Variants in SLC24A2 observed in about 807,000 individuals in gnomAD.
The protein encoded by SLC24A2 is solute carrier family 24 member 2.
SLC24A2 carries 36 observed loss-of-function variants against 62.0 expected under a neutral mutation model. That is an observed-to-expected ratio of 0.58 (90% CI 0.44 to 0.77). The LOEUF is 0.77. Among genes scored for constraint, SLC24A2 ranks in the 30% least tolerant of loss-of-function variants. SLC24A2 has a pLI of 0.00. For missense variants in SLC24A2, 846 were observed against 817.9 expected (o/e 1.03, Z -0.42); for synonymous variants, 358 against 294.0 (o/e 1.22, Z -2.23).
the SLC24A2 span, among the ~76,000 whole-genome samples, chr9:19,879,152 C>T: frequency 6.6e-6 from 1 of 152,100 alleles, no homozygotes; most frequent in Non-Finnish European, 1.5e-5. Context: ...ATCTTTTACA[C>T]AAGCAGTAGT....
the SLC24A2 span, among the ~76,000 whole-genome samples, chr9:20,225,121 T>C: frequency 2.0e-5 from 3 of 152,094 alleles, no homozygotes; most frequent in African/African-American, 7.2e-5. Flanking sequence ...AGAAAGTCTG[T>C]CTCAGGCTTT....
the SLC24A2 span, among the ~76,000 whole-genome samples, chr9:20,008,407 C>G: frequency 6.6e-6 from 1 of 152,156 alleles, no homozygotes; most frequent in Non-Finnish European, 1.5e-5. Flanking sequence ...TGGATATTCT[C>G]TATTGGTTTT....
chr9:20,255,612 C>T, the SLC24A2 span, among the ~76,000 whole-genome samples: 5 of 151,150 alleles, frequency 3.3e-5, no homozygotes, highest in African/African-American at 4.9e-5. Context: ...CCTTTCCACA[C>T]GAGTCTATCT....
chr9:20,184,829 G>C, the SLC24A2 span, among the ~76,000 whole-genome samples: 2 of 152,050 alleles, frequency 1.3e-5, no homozygotes, highest in Admixed American at 6.5e-5. Context: ...TGTTATTCAT[G>C]ATAGTTAAGA....
At chr9:19,593,048 C>T (rs886359928) in intron 5 of SLC24A2, among the ~76,000 whole-genome samples, 1 of 152,204 alleles carries the variant, frequency 6.6e-6, no homozygotes, top group South Asian at 2.1e-4. Flanking sequence ...AGTGAATGTG[C>T]TAGTACAGGT....
the SLC24A2 span, among the ~76,000 whole-genome samples, chr9:20,101,077 A>G: frequency 2.6e-5 from 4 of 152,254 alleles, no homozygotes; most frequent in Non-Finnish European, 5.9e-5. Context: ...TGATAATTCC[A>G]TTAGCAAGTG....
At chr9:19,882,620 G>A in the SLC24A2 span, among the ~76,000 whole-genome samples, 5 of 151,476 alleles carry the variant, frequency 3.3e-5, no homozygotes, top group Admixed American at 6.6e-5. Context: ...TTAACTTTCT[G>A]GGGATTTGGT....
chr9:19,744,094 C>G (rs1564076293), intron 2 of SLC24A2, among the ~76,000 whole-genome samples: 2 of 152,102 alleles, frequency 1.3e-5, no homozygotes, highest in South Asian at 2.1e-4. Flanking sequence ...CAGAGCTGCT[C>G]TGTGATGTTA....
At chr9:20,040,486 G>T in the SLC24A2 span, among the ~76,000 whole-genome samples, 1 of 152,278 alleles carries the variant, frequency 6.6e-6, no homozygotes, top group South Asian at 2.1e-4. Flanking sequence ...AGATACCAGA[G>T]GGTCTTGCTG....
the SLC24A2 span, among the ~76,000 whole-genome samples, chr9:19,801,057 T>C: frequency 1.3e-5 from 2 of 152,190 alleles, no homozygotes; most frequent in South Asian, 2.1e-4. Context: ...GGGTCCTTGC[T>C]CCCAGAGCTC....
At chr9:19,852,090 A>G in the SLC24A2 span, among the ~76,000 whole-genome samples, 1 of 152,086 alleles carries the variant, frequency 6.6e-6, no homozygotes, top group Non-Finnish European at 1.5e-5. Context: ...AGTGACGTTG[A>G]GCTTTTTTTC....
At chr9:19,534,951 T>C (rs113416637) in intron 8 of SLC24A2, among the ~76,000 whole-genome samples, 121 of 152,324 alleles carry the variant, frequency 7.9e-4, no homozygotes, top group African/African-American at 2.7e-3. Context: ...TCCACAATGG[T>C]TGAACTAACT....
chr9:19,600,562 C>A (rs891119871), intron 4 of SLC24A2, among the ~76,000 whole-genome samples: 1 of 152,142 alleles, frequency 6.6e-6, no homozygotes, highest in South Asian at 2.1e-4. Context: ...GAACAGTGAA[C>A]AATAATGTGT....
At chr9:19,845,027 A>G in the SLC24A2 span, among the ~76,000 whole-genome samples, 3 of 151,664 alleles carry the variant, frequency 2.0e-5, no homozygotes, top group Non-Finnish European at 4.4e-5. Flanking sequence ...AAATTTTAGA[A>G]TAGCGTTTTT....
At chr9:20,253,882 T>G in the SLC24A2 span, among the ~76,000 whole-genome samples, 17 of 152,170 alleles carry the variant, frequency 1.1e-4, no homozygotes, top group Non-Finnish European at 1.8e-4. Flanking sequence ...CCGCAATTAC[T>G]TCTTAGAACC....
the SLC24A2 span, among the ~76,000 whole-genome samples, chr9:20,016,107 A>G: frequency 6.6e-6 from 1 of 152,244 alleles, no homozygotes; most frequent in Non-Finnish European, 1.5e-5. Flanking sequence ...TTTGAACTAT[A>G]AGAGGAATGT....
chr9:20,047,745 T>C, the SLC24A2 span, among the ~76,000 whole-genome samples: 1 of 151,158 alleles, frequency 6.6e-6, no homozygotes, highest in South Asian at 2.1e-4. Flanking sequence ...ACGAGGGCCC[T>C]TCCCTCATGA....
intron 2 of SLC24A2, among the ~76,000 whole-genome samples, chr9:19,747,065 A>G (rs888100427): frequency 6.6e-6 from 1 of 152,176 alleles, no homozygotes; most frequent in Non-Finnish European, 1.5e-5. Flanking sequence ...ATTACAAAAT[A>G]TTTTAAACAC....
the SLC24A2 span, among the ~76,000 whole-genome samples, chr9:20,295,699 G>C: frequency 6.6e-6 from 1 of 152,166 alleles, no homozygotes; most frequent in South Asian, 2.1e-4. Flanking sequence ...TGAGCTCTGG[G>C]ACTTACACCA....
Sources: gnomAD v4.1 joint callset for allele counts (sites outside exome capture counted in the v4.1 genomes callset) on GRCh38, gnomAD v4.1.1 for gene constraint, MANE v1.5 for transcripts, NCBI Gene and HGNC (gene_info 2026-07-23, HGNC 2026-07-21) for gene names.